Variants in PTPN12 observed in about 807,000 individuals in gnomAD.
The protein encoded by PTPN12 is tyrosine-protein phosphatase non-receptor type 12.
Under a neutral mutation model 97.6 loss-of-function variants are expected in PTPN12, and 29 were observed. The observed-to-expected ratio is 0.30, with a 90% CI of 0.22 to 0.41. The LOEUF (loss-of-function observed/expected upper bound fraction) is 0.41. PTPN12 is among the 10% of genes least tolerant of loss of function. The pLI is 1.00. For missense variants in PTPN12, 819 were observed against 926.0 expected (o/e 0.88, Z 1.50); for synonymous variants, 327 against 300.4 (o/e 1.09, Z -0.91).
intron 1 of PTPN12, among the ~76,000 whole-genome samples, chr7:77,561,573 T>C (rs918152022): frequency 2.6e-5 from 4 of 152,108 alleles, no homozygotes. Context: ...TGAGGTCTCT[T>C]AAACTACACA....
chr7:77,617,331 T>C (rs187570622), intron 11 of PTPN12, among the ~76,000 whole-genome samples: 5 of 152,310 alleles, frequency 3.3e-5, no homozygotes, highest in Admixed American at 2.0e-4. Context: ...GTGGCTTTAA[T>C]TAAGGAAGAA....
At chr7:77,622,945 G>A (rs1253445116) in intron 12 of PTPN12, among the ~76,000 whole-genome samples, 6 of 148,392 alleles carry the variant, frequency 4.0e-5, no homozygotes, top group Non-Finnish European at 3.0e-5. Flanking sequence ...AAATTAGAAA[G>A]CAAAACTAGA....
At chr7:77,572,744 T>C (rs1217082107) in intron 2 of PTPN12, among the ~76,000 whole-genome samples, 2 of 152,202 alleles carry the variant, frequency 1.3e-5, no homozygotes, top group Non-Finnish European at 2.9e-5. Flanking sequence ...ATTATAATAA[T>C]ACTTTTTAGG....
Position 77,538,248 on chromosome 7 carries a change from A to G in PTPN12, c.99+603A>G, listed in dbSNP as rs549987177. ...CATAAGGAATCTCATGGGTTTACCTAATTTCCATTTACCCGCGTCCCGCTT... is the reference window on the plus strand; with the variant it reads ...CATAAGGAATCTCATGGGTTTACCTGATTTCCATTTACCCGCGTCCCGCTT... On this transcript the variant is annotated intron_variant, in intron 1 of 17. Transcript: ENST00000248594. 1.6e-3 allele frequency: 505 copies of G among 325,052 alleles called. 1 individual carries two copies. Among genetic ancestry groups the G allele is most frequent in the South Asian group, 2.1e-3 (17 of 8,290 alleles). The allele number at this position is 325,052 out of a possible 1,614,324, so 20.1% of individuals were successfully genotyped here.
At chr7:77,541,252 C>T (rs1341243125) in intron 1 of PTPN12, among the ~76,000 whole-genome samples, 1 of 152,082 alleles carries the variant, frequency 6.6e-6, no homozygotes, top group African/African-American at 2.4e-5. Flanking sequence ...CCACCAAGCC[C>T]TGCTGATTTT....
Position 77,540,324 on chromosome 7 carries a change from A to G in PTPN12, c.99+2679A>G, listed in dbSNP as rs1272590088. Among the ~76,000 whole-genome samples, 3 of 145,116 alleles carry G rather than the reference A, an allele frequency of 2.1e-5. No homozygotes were observed. In the Admixed American group the frequency reaches 2.1e-4, roughly 10 times the overall value. On this transcript the variant is annotated intron_variant, in intron 1 of 17. Coordinates refer to ENST00000248594, the MANE Select transcript of PTPN12 (RefSeq NM_002835.4). ...TCAATCTCGGCTCACTGCATCCTCC[A>G]CCTCCCAGGTTCAAGCGATTCTCCT... is the stretch of plus-strand genomic sequence containing the variant.
chr7:77,574,628 C>T (rs1787278483), intron 2 of PTPN12, among the ~76,000 whole-genome samples: 1 of 152,172 alleles, frequency 6.6e-6, no homozygotes, highest in Non-Finnish European at 1.5e-5. Context: ...GCTACACATC[C>T]TGCAGTGCAT....
At chr7:77,574,379 A>G (rs575436183) in intron 2 of PTPN12, among the ~76,000 whole-genome samples, 2 of 152,236 alleles carry the variant, frequency 1.3e-5, no homozygotes, top group African/African-American at 4.8e-5. Context: ...CTCTGAGGTA[A>G]GTACTGTTAT....
chr7:77,558,270 A>G (rs1807818657), intron 1 of PTPN12, among the ~76,000 whole-genome samples: 1 of 152,066 alleles, frequency 6.6e-6, no homozygotes, highest in African/African-American at 2.4e-5. Context: ...AAGGATATAG[A>G]AAACTAGTGT....
intron 1 of PTPN12, among the ~76,000 whole-genome samples, chr7:77,545,541 GTC>G (rs1807173363): frequency 6.6e-6 from 1 of 151,790 alleles, no homozygotes; most frequent in Non-Finnish European, 1.5e-5. Flanking sequence ...AATTATGTCT[GTC>G]TCTCTTTCCA....
At chr7:77,574,363 G>A (rs1787267541) in intron 2 of PTPN12, among the ~76,000 whole-genome samples, 1 of 152,144 alleles carries the variant, frequency 6.6e-6, no homozygotes, top group African/African-American at 2.4e-5. Context: ...AATCATCACA[G>A]CAAAACTCTG....
intron 4 of PTPN12, 165 bp from the exon 5 acceptor site, chr7:77,585,378 A>C: frequency 1.9e-6 from 1 of 539,402 alleles, no homozygotes. Context: ...GGAAAGTCTA[A>C]TTTTGATAAT....
intron 3 of PTPN12, among the ~76,000 whole-genome samples, chr7:77,582,732 C>T (rs1787562362): frequency 1.4e-5 from 2 of 147,990 alleles, no homozygotes; most frequent in East Asian, 2.0e-4. Context: ...TGCAGTAAGC[C>T]GAGATCGTGC....
chr7:77,606,135 G>A (rs1788366895), intron 8 of PTPN12, among the ~76,000 whole-genome samples: 1 of 151,874 alleles, frequency 6.6e-6, no homozygotes, highest in South Asian at 2.1e-4. Flanking sequence ...TGTGTTTTCA[G>A]TAGAGATGGG....
chr7:77,582,084 C>CTTTTTTTT (rs11341609), intron 3 of PTPN12, among the ~76,000 whole-genome samples: 1,765 of 52,906 alleles, frequency 0.033, 393 homozygotes, highest in Non-Finnish European at 0.037. Flanking sequence ...CAGTCAAGTT[C>CTTTTTTTT]TTTTTTTTTT....
chr7:77,625,742 G>T (rs1789155898), intron 12 of PTPN12, among the ~76,000 whole-genome samples: 1 of 150,838 alleles, frequency 6.6e-6, no homozygotes, highest in Admixed American at 6.6e-5. Flanking sequence ...GCAAATTTTT[G>T]TATTATTAGT....
At chr7:77,638,934 A>T in intron 17 of PTPN12, 1 of 951,998 alleles carries the variant, frequency 1.1e-6, no homozygotes, top group Non-Finnish European at 1.4e-6. Context: ...CAGTATAAAA[A>T]ATCTTTTGTG....
intron 1 of PTPN12, among the ~76,000 whole-genome samples, chr7:77,563,008 G>C (rs954032052): frequency 6.8e-6 from 1 of 147,568 alleles, no homozygotes. Context: ...TTTTCATTTA[G>C]TTTATGATTT....
intron 7 of PTPN12, among the ~76,000 whole-genome samples, chr7:77,600,174 ATC>A (rs1465778982): frequency 6.6e-6 from 1 of 152,214 alleles, no homozygotes; most frequent in Admixed American, 6.5e-5. Context: ...GGACAAATTC[ATC>A]TCTCCATTCT....
Sources: gnomAD v4.1 joint callset for allele counts (sites outside exome capture counted in the v4.1 genomes callset) on GRCh38, gnomAD v4.1.1 for gene constraint, MANE v1.5 for transcripts, NCBI Gene and HGNC (gene_info 2026-07-23, HGNC 2026-07-21) for gene names.